Variants in CHRDL1 observed in about 807,000 individuals in gnomAD.
CHRDL1 encodes chordin-like protein 1.
A neutral mutation model predicts 40.9 loss-of-function variants in CHRDL1; 19 were observed. The observed-to-expected ratio is 0.46, with a 90% CI of 0.32 to 0.68. The LOEUF is 0.68. Ranked by LOEUF, CHRDL1 falls within the 30% of genes least tolerant of loss-of-function variation. The pLI is 0.03. For synonymous variants in CHRDL1, 136 were observed against 123.4 expected (o/e 1.10, Z -0.68); for missense variants, 329 against 352.1 (o/e 0.93, Z 0.53).
At chrX:110,683,290 T>C (rs1236962042) in intron 9 of CHRDL1, among the ~76,000 whole-genome samples, 1 of 108,734 alleles carries the variant, frequency 9.2e-6, no homozygotes, top group African/African-American at 3.4e-5. Context: ...TAGAACTACC[T>C]ACTTAGCAAC....
rs941826621 is a variant in CHRDL1 at position 110,792,229 on chromosome X, A to G, written c.-34-14T>C. The G allele has an allele frequency of 2.7e-5, 20 of 748,549 alleles. No homozygotes were observed. Among genetic ancestry groups the G allele is most frequent in the Non-Finnish European group, 3.4e-5 (17 of 493,074 alleles). The allele number at this position is 748,549 out of a possible 1,213,427, so 61.7% of individuals were successfully genotyped here. On this transcript the variant is annotated splice_polypyrimidine_tract_variant and intron_variant, in intron 1 of 11. Coordinates refer to ENST00000372042, the MANE Select transcript of CHRDL1 (RefSeq NM_001143981.2). ...AGAACCTTCAAGCTGTTGGGAAGAA[A>G]GCAGAAAAAAGACTTAACACAGATC...
At chrX:110,770,858 A>G (rs192869730) in intron 2 of CHRDL1, among the ~76,000 whole-genome samples, 1 of 112,256 alleles carries the variant, frequency 8.9e-6, no homozygotes, top group East Asian at 2.8e-4. Context: ...AGAGATAATT[A>G]ACCTGAGACT....
At chrX:110,682,485 C>T (rs182572816) in intron 9 of CHRDL1, among the ~76,000 whole-genome samples, 76 of 112,501 alleles carry the variant, frequency 6.8e-4, no homozygotes, top group Non-Finnish European at 2.6e-4. Flanking sequence ...TGTTGGTTAT[C>T]AGTGAGTTAA....
chrX:110,678,774 A>G (rs746572037), intron 11 of CHRDL1, among the ~76,000 whole-genome samples: 2 of 110,670 alleles, frequency 1.8e-5, no homozygotes, highest in Non-Finnish European at 3.8e-5. Flanking sequence ...ACCCGCCCCA[A>G]TGCCTAGAAG....
chrX:110,761,515 T>C (rs902621813), intron 3 of CHRDL1, among the ~76,000 whole-genome samples: 1 of 111,821 alleles, frequency 8.9e-6, no homozygotes, highest in Non-Finnish European at 1.9e-5. Flanking sequence ...GTACAAGGCC[T>C]CCCTTTCCAA....
chrX:110,687,393 C>G (rs1213508594), intron 9 of CHRDL1, among the ~76,000 whole-genome samples: 1 of 111,393 alleles, frequency 9.0e-6, no homozygotes, highest in African/African-American at 3.3e-5. Context: ...TATGTAGAAG[C>G]TCGCCAAGGG....
chrX:110,750,115 G>GA (rs1174873061), intron 4 of CHRDL1, among the ~76,000 whole-genome samples: 1 of 111,583 alleles, frequency 9.0e-6, no homozygotes, highest in Non-Finnish European at 1.9e-5. Flanking sequence ...GTGGCCTCGG[G>GA]ATCTTCCCCC....
At chrX:110,678,999 A>G (rs1283055276) in intron 11 of CHRDL1, among the ~76,000 whole-genome samples, 1 of 111,857 alleles carries the variant, frequency 8.9e-6, no homozygotes, top group Non-Finnish European at 1.9e-5. Flanking sequence ...TGAAGTCTCC[A>G]TAAATATACC....
chrX:110,765,002 T>C (rs1051998490), intron 2 of CHRDL1, among the ~76,000 whole-genome samples: 3 of 111,893 alleles, frequency 2.7e-5, no homozygotes, highest in Non-Finnish European at 3.8e-5. Flanking sequence ...CCGCTGAACA[T>C]AGACCCTTAT....
intron 4 of CHRDL1, among the ~76,000 whole-genome samples, chrX:110,731,724 T>G (rs1371651705): frequency 9.0e-6 from 1 of 111,360 alleles, no homozygotes; most frequent in Non-Finnish European, 1.9e-5. Flanking sequence ...CACCACATAC[T>G]GTATAATTCC....
intron 1 of CHRDL1, among the ~76,000 whole-genome samples, chrX:110,793,002 G>A (rs1028893480): frequency 8.9e-6 from 1 of 112,384 alleles, no homozygotes; most frequent in Non-Finnish European, 1.9e-5. Context: ...ATAAGGGGTA[G>A]AAATCTTAAA....
intron 4 of CHRDL1, among the ~76,000 whole-genome samples, chrX:110,731,978 T>C (rs1457945837): frequency 9.3e-6 from 1 of 107,684 alleles, no homozygotes; most frequent in Non-Finnish European, 1.9e-5. Flanking sequence ...GTATGAGGTA[T>C]GTATACCTCA....
chrX:110,693,556 A>AT (rs2070322714), intron 8 of CHRDL1, among the ~76,000 whole-genome samples: 1 of 109,466 alleles, frequency 9.1e-6, no homozygotes, highest in African/African-American at 3.3e-5. Context: ...GAGTCTTATT[A>AT]TGTTGCCCAG....
At position 110,689,458 on chromosome X, in the gene CHRDL1, CTA is replaced by C. The variant is rs1342948738; in HGVS notation, c.779-657_779-656del. Among the ~76,000 whole-genome samples the C allele has an allele frequency of 1.4e-3, 75 of 52,273 alleles. 1 individual carries two copies. The African/African-American group carries it at 0.02, about 14-fold the overall frequency. 45.4% of individuals were successfully genotyped at this position (52,273 alleles called of 115,157 possible). A position where few individuals can be genotyped will look rare whatever the true frequency, so the allele number is the denominator to read the frequency against. On this transcript the variant is annotated intron_variant, in intron 8 of 11. Coordinates refer to ENST00000372042, the MANE Select transcript of CHRDL1 (RefSeq NM_001143981.2). ...TATATATCTATATATATCTATATAT[CTA>C]TATATATCTATATATCTATATATCT...
chrX:110,696,776 G>C (rs1467585207), intron 7 of CHRDL1, among the ~76,000 whole-genome samples: 1 of 111,077 alleles, frequency 9.0e-6, no homozygotes, highest in Non-Finnish European at 1.9e-5. Flanking sequence ...TGGTTTGGGG[G>C]AAGGCCTGGG....
chrX:110,785,556 C>T (rs925397486), intron 2 of CHRDL1, among the ~76,000 whole-genome samples: 1 of 111,228 alleles, frequency 9.0e-6, no homozygotes, highest in African/African-American at 3.3e-5. Flanking sequence ...ACTTGTCTCC[C>T]CTAAGTTTAT....
intron 4 of CHRDL1, among the ~76,000 whole-genome samples, chrX:110,740,844 T>C (rs567463867): frequency 8.0e-5 from 9 of 112,314 alleles, no homozygotes; most frequent in African/African-American, 2.9e-4. Flanking sequence ...AGGCCAGATA[T>C]GACCTGCAAC....
chrX:110,785,106 C>T (rs957195238), intron 2 of CHRDL1, among the ~76,000 whole-genome samples: 7 of 111,968 alleles, frequency 6.3e-5, no homozygotes, highest in Non-Finnish European at 9.4e-5. Flanking sequence ...GGGAGGCTTT[C>T]TGTTTGATCA....
intron 4 of CHRDL1, among the ~76,000 whole-genome samples, chrX:110,733,752 A>ATAGTAT (rs767048182): frequency 2.1e-4 from 23 of 109,678 alleles, no homozygotes; most frequent in African/African-American, 7.3e-4. Context: ...TACTAAAAAT[A>ATAGTAT]TAAAAATTAG....
Sources: allele counts gnomAD v4.1 joint callset (sites outside exome capture counted in the v4.1 genomes callset), GRCh38; gene constraint gnomAD v4.1.1; transcripts MANE v1.5; gene names NCBI Gene and HGNC (gene_info 2026-07-23, HGNC 2026-07-21).